Variants in GRID2 observed in about 807,000 individuals in gnomAD.
The protein encoded by GRID2 is glutamate receptor ionotropic, delta-2.
GRID2 carries 33 observed loss-of-function variants against 114.8 expected under a neutral mutation model. That is an observed-to-expected ratio of 0.29 (90% CI 0.22 to 0.38). The LOEUF is 0.38. GRID2 is among the 10% of genes least tolerant of loss of function. GRID2 has a pLI of 1.00. For synonymous variants in GRID2, 505 were observed against 449.9 expected (o/e 1.12, Z -1.55); for missense variants, 1,184 against 1,257.7 (o/e 0.94, Z 0.89).
chr4:93,687,349 G>T (rs1726164543), intron 14 of GRID2, among the ~76,000 whole-genome samples: 2 of 151,948 alleles, frequency 1.3e-5, no homozygotes, highest in Admixed American at 6.6e-5. Context: ...ACATCCCAGT[G>T]GGAGATCTTA....
At chr4:92,734,953 A>G (rs1202751508) in intron 2 of GRID2, among the ~76,000 whole-genome samples, 8 of 151,100 alleles carry the variant, frequency 5.3e-5, no homozygotes, top group Non-Finnish European at 1.2e-4. Flanking sequence ...TAATTTTTGT[A>G]TTTTTTGTAG....
intron 2 of GRID2, among the ~76,000 whole-genome samples, chr4:93,068,770 G>A (rs1352387815): frequency 6.6e-6 from 1 of 151,750 alleles, no homozygotes; most frequent in African/African-American, 2.4e-5. Flanking sequence ...GGGAAGAGAA[G>A]GTGTTAAATG....
At chr4:93,092,403 C>A (rs993636615) in intron 3 of GRID2, among the ~76,000 whole-genome samples, 1 of 151,956 alleles carries the variant, frequency 6.6e-6, no homozygotes, top group Non-Finnish European at 1.5e-5. Context: ...GATCAGAGGC[C>A]AAAATAGTCA....
chr4:93,211,994 T>C (rs1226006082), intron 5 of GRID2, among the ~76,000 whole-genome samples: 1 of 152,066 alleles, frequency 6.6e-6, no homozygotes, highest in African/African-American at 2.4e-5. Context: ...ACACTTTTCA[T>C]TTACATGCTT....
intron 8 of GRID2, among the ~76,000 whole-genome samples, chr4:93,310,365 A>G (rs1560483682): frequency 1.3e-5 from 2 of 151,904 alleles, no homozygotes; most frequent in African/African-American, 4.8e-5. Context: ...ACTAAAAACA[A>G]ACACACACAC....
chr4:93,521,740 T>A (rs1730358328), intron 13 of GRID2, among the ~76,000 whole-genome samples: 1 of 151,994 alleles, frequency 6.6e-6, no homozygotes, highest in South Asian at 2.1e-4. Flanking sequence ...AATAATCGAA[T>A]CACCAAGAAT....
chr4:92,553,192 G>A (rs115849743), intron 1 of GRID2, among the ~76,000 whole-genome samples: 367 of 152,196 alleles, frequency 2.4e-3, no homozygotes, highest in Non-Finnish European at 3.4e-3. Flanking sequence ...TATCTAAGAC[G>A]GACCTAACTT....
chr4:93,037,753 T>C (rs984845325), intron 2 of GRID2, among the ~76,000 whole-genome samples: 2 of 152,178 alleles, frequency 1.3e-5, no homozygotes, highest in African/African-American at 4.8e-5. Flanking sequence ...TGGTTGTAGA[T>C]GTGTGGCATT....
At chr4:93,199,828 C>G (rs972544415) in intron 4 of GRID2, among the ~76,000 whole-genome samples, 2 of 152,096 alleles carry the variant, frequency 1.3e-5, no homozygotes, top group Non-Finnish European at 2.9e-5. Context: ...AAATAATACT[C>G]CAGTCTCCCT....
chr4:93,388,044 TATC>T (rs1277226673), intron 8 of GRID2, among the ~76,000 whole-genome samples: 1 of 151,980 alleles, frequency 6.6e-6, no homozygotes, highest in Non-Finnish European at 1.5e-5. Context: ...CAATAAATAT[TATC>T]ATACAAAATA....
intron 2 of GRID2, among the ~76,000 whole-genome samples, chr4:92,923,115 T>G (rs1360083546): frequency 6.6e-6 from 1 of 152,208 alleles, no homozygotes; most frequent in East Asian, 1.9e-4. Context: ...TTAAACATAA[T>G]TTTCATGAAA....
chr4:93,113,535 G>T (rs1193477580), intron 4 of GRID2, among the ~76,000 whole-genome samples: 1 of 152,150 alleles, frequency 6.6e-6, no homozygotes, highest in Non-Finnish European at 1.5e-5. Context: ...TAGTTCACTG[G>T]TTTTCCAGTT....
At chr4:93,059,163 A>C (rs1727544217) in intron 2 of GRID2, among the ~76,000 whole-genome samples, 1 of 152,160 alleles carries the variant, frequency 6.6e-6, no homozygotes, top group South Asian at 2.1e-4. Context: ...TCCATTTGAT[A>C]ACATTTGAAA....
intron 2 of GRID2, among the ~76,000 whole-genome samples, chr4:92,667,373 T>C (rs1389736479): frequency 4.0e-5 from 6 of 151,720 alleles, no homozygotes; most frequent in Non-Finnish European, 8.9e-5. Flanking sequence ...GTCAGCAGAC[T>C]TTTTATTGTA....
chr4:93,653,299 C>A (rs1045162376), intron 14 of GRID2, among the ~76,000 whole-genome samples: 1 of 152,136 alleles, frequency 6.6e-6, no homozygotes, highest in African/African-American at 2.4e-5. Flanking sequence ...CTCATAATAG[C>A]CATATTTGTA....
chr4:93,314,502 A>G (rs1340371011), intron 8 of GRID2, among the ~76,000 whole-genome samples: 1 of 151,974 alleles, frequency 6.6e-6, no homozygotes, highest in Non-Finnish European at 1.5e-5. Context: ...TTCTCTTTAC[A>G]ATTTCATCTA....
At chr4:93,005,674 TA>T (rs1448625931) in intron 2 of GRID2, among the ~76,000 whole-genome samples, 1 of 152,084 alleles carries the variant, frequency 6.6e-6, no homozygotes, top group Non-Finnish European at 1.5e-5. Context: ...GATTAATCAT[TA>T]AAAAGTCATA....
At chr4:93,684,002 T>C (rs924853703) in intron 14 of GRID2, among the ~76,000 whole-genome samples, 1 of 152,012 alleles carries the variant, frequency 6.6e-6, no homozygotes, top group East Asian at 1.9e-4. Flanking sequence ...TTATTTTCAA[T>C]TGAAATTCTA....
chr4:92,511,806 A>T (rs1052321711), intron 1 of GRID2, among the ~76,000 whole-genome samples: 1 of 151,874 alleles, frequency 6.6e-6, no homozygotes, highest in African/African-American at 2.4e-5. Flanking sequence ...TTTTAATTGA[A>T]ATAAAATACA....
Sources: allele counts gnomAD v4.1 joint callset (sites outside exome capture counted in the v4.1 genomes callset), GRCh38; gene constraint gnomAD v4.1.1; transcripts MANE v1.5; gene names NCBI Gene and HGNC (gene_info 2026-07-23, HGNC 2026-07-21).